USP34: variants seen among roughly 807,000 people sequenced by gnomAD.
The protein encoded by USP34 is ubiquitin specific peptidase 34, also known as ubiquitin carboxyl-terminal hydrolase 34.
In USP34, 70 loss-of-function variants were observed where a neutral mutation model predicts 460.3. The ratio of observed to expected loss-of-function variants is 0.15; its 90% CI spans 0.13 to 0.19. The LOEUF is 0.19. Ranked by LOEUF, USP34 falls within the 10% of genes least tolerant of loss-of-function variation. USP34 has a pLI of 1.00. For missense variants in USP34, 3,985 were observed against 4,236.2 expected, an observed-to-expected ratio of 0.94 and a Z score of 1.65; for synonymous variants, 1,647 against 1,405.3, an observed-to-expected ratio of 1.17 and a Z score of -3.85.
intron 65 of USP34, among the ~76,000 whole-genome samples, chr2:61,222,159 T>G (rs1025388774): frequency 7.2e-5 from 11 of 152,240 alleles, no homozygotes; most frequent in African/African-American, 2.7e-4. Context: ...AAATTTAGAT[T>G]AAAAGCTTCC....
chr2:61,346,527 TAAAAAAAAAAAAAAA>T (rs926076478), intron 15 of USP34, among the ~76,000 whole-genome samples: 2 of 44,272 alleles, frequency 4.5e-5, no homozygotes, highest in South Asian at 9.2e-4. Flanking sequence ...CCCTATCTCT[TAAAAAAAAAAAAAAA>T]AAAAAAAAAA....
intron 27 of USP34, among the ~76,000 whole-genome samples, chr2:61,303,167 A>G (rs888321066): frequency 7.3e-5 from 11 of 151,456 alleles, no homozygotes; most frequent in African/African-American, 2.4e-4. Flanking sequence ...CCTGGGTTCA[A>G]GCAATTCTCC....
chr2:61,287,500 G>A (rs893096729), intron 34 of USP34, among the ~76,000 whole-genome samples: 4 of 152,130 alleles, frequency 2.6e-5, no homozygotes, highest in African/African-American at 9.7e-5. Flanking sequence ...ACTTGTATCT[G>A]GGTTTTCTCC....
At chr2:61,340,758 G>A (rs1315721831) in intron 16 of USP34, among the ~76,000 whole-genome samples, 1 of 151,528 alleles carries the variant, frequency 6.6e-6, no homozygotes, top group Non-Finnish European at 1.5e-5. Flanking sequence ...CTTTTAATTG[G>A]GTTGTCTTAC....
chr2:61,191,993 A>G (rs1377621430), intron 76 of USP34, among the ~76,000 whole-genome samples: 1 of 151,980 alleles, frequency 6.6e-6, no homozygotes, highest in African/African-American at 2.4e-5. Flanking sequence ...GGGGATGGAG[A>G]TGACTCTGAT....
At position 61,288,820 on chromosome 2, in the gene USP34, G is replaced by C. The variant is rs1572903004; in HGVS notation, c.4606C>G (p.Pro1536Ala). ...LKLICQFAVD[P>A]SDLDLAYHDV... is the part of the protein sequence containing the mutation. The stretch of plus-strand genomic sequence containing the variant: ...TGATAAGCTAAATCCAAATCGGATG[G>C]ATCTACTGCAAACTGGCATATTAAC... Residue 1536 changes from proline to alanine, a missense_variant, in exon 34 of 80, where the codon CCA becomes GCA. This residue lies in a region of USP34 where 1,114 missense variants were observed against 1,122.5 expected (regional missense o/e 0.99). Transcript: ENST00000398571. The C allele has an allele frequency of 6.2e-7, 1 of 1,613,656 alleles. No individual in the cohort carries two copies. The highest frequency in any genetic ancestry group is 8.5e-7 in the Non-Finnish European group (1 of 1,179,944).
intron 1 of USP34, among the ~76,000 whole-genome samples, chr2:61,469,201 C>CTG (rs1336800850): frequency 6.6e-6 from 1 of 151,876 alleles, no homozygotes; most frequent in South Asian, 2.1e-4. Context: ...GAGCAAAACT[C>CTG]TGTCTCAAGA....
chr2:61,470,615 G>C (rs779647813), intron 1 of USP34, 35 bp downstream of exon 1: 1 of 1,509,068 alleles, frequency 6.6e-7, no homozygotes, highest in African/African-American at 1.4e-5. Context: ...ACCCCAAACC[G>C]TGCACCCCGA....
intron 1 of USP34, among the ~76,000 whole-genome samples, chr2:61,429,631 A>T (rs2103994171): frequency 6.6e-6 from 1 of 152,274 alleles, no homozygotes; most frequent in African/African-American, 2.4e-5. Flanking sequence ...AAAAAAAGTT[A>T]TCATATATAT....
intron 16 of USP34, among the ~76,000 whole-genome samples, chr2:61,343,379 C>T (rs184035595): frequency 3.3e-5 from 5 of 152,224 alleles, no homozygotes; most frequent in African/African-American, 1.2e-4. Flanking sequence ...TTCCCTCCTA[C>T]CCTTCCCTAA....
chr2:61,350,071 A>C (rs1691901418), intron 12 of USP34, among the ~76,000 whole-genome samples, 189 bp downstream of exon 12: 1 of 152,166 alleles, frequency 6.6e-6, no homozygotes, highest in Non-Finnish European at 1.5e-5. Context: ...AGACTTCATC[A>C]CTATCCTTCA....
At chr2:61,387,453 A>G (rs1203607164) in intron 5 of USP34, among the ~76,000 whole-genome samples, 1 of 151,452 alleles carries the variant, frequency 6.6e-6, no homozygotes, top group Non-Finnish European at 1.5e-5. Context: ...CAACAGAGCA[A>G]GACTCTATCT....
intron 23 of USP34, among the ~76,000 whole-genome samples, chr2:61,317,284 T>C (rs760474245): frequency 6.6e-6 from 1 of 152,154 alleles, no homozygotes; most frequent in Non-Finnish European, 1.5e-5. Flanking sequence ...CCCAGCACTT[T>C]GGGAGGCCAA....
chr2:61,325,827 T>G lies in USP34; in HGVS notation c.2931-370A>C, dbSNP rs141993590. 4.3e-4 allele frequency among the ~76,000 whole-genome samples: 66 copies of G among 152,352 alleles called. No individual in the cohort carries two copies. The East Asian group carries it at 0.012, about 27-fold the overall frequency. ...TCTAAAAAGTACATACTTCATATCA[T>G]AGTCCCTTTAGTGATAATATATTCT... On this transcript the variant is annotated intron_variant, in intron 20 of 79. Transcript: ENST00000398571.
At chr2:61,232,842 T>TTATA (rs150827710) in intron 57 of USP34, among the ~76,000 whole-genome samples, 16 of 100,682 alleles carry the variant, frequency 1.6e-4, no homozygotes, top group Non-Finnish European at 2.7e-4. Context: ...TTCTTATTAA[T>TTATA]TATATATATA....
At chr2:61,242,136 A>AT in intron 51 of USP34, among the ~76,000 whole-genome samples, 1 of 152,300 alleles carries the variant, frequency 6.6e-6, no homozygotes, top group East Asian at 1.9e-4. Flanking sequence ...CCTTGTCCTA[A>AT]TTTTGGTAAA....
rs910364260 is a variant in USP34, at chr2:61,206,010, A to T, written c.9154+7T>A. ...TTTTACACGGGTGAATTTTTCAAGTAACTTACCTATACAGGCATTTCTAAG... is the reference window on the plus strand; with the variant it reads ...TTTTACACGGGTGAATTTTTCAAGTTACTTACCTATACAGGCATTTCTAAG... On this transcript the variant is annotated splice_region_variant and intron_variant, in intron 72 of 79. Coordinates refer to ENST00000398571, the MANE Select transcript of USP34 (RefSeq NM_014709.4). 1.3e-5 allele frequency: 21 copies of T among 1,602,332 alleles called. No homozygotes were observed. Among genetic ancestry groups the T allele is most frequent in the African/African-American group, 4.0e-5 (3 of 74,562 alleles).
intron 7 of USP34, 64 bp downstream of exon 7, chr2:61,380,105 G>C: frequency 7.1e-7 from 1 of 1,416,316 alleles, no homozygotes; most frequent in Non-Finnish European, 9.7e-7. Flanking sequence ...TAAATAGTGG[G>C]TAGTATTATG....
chr2:61,234,395 T>C (rs930392140), intron 57 of USP34, among the ~76,000 whole-genome samples: 2 of 152,214 alleles, frequency 1.3e-5, no homozygotes, highest in African/African-American at 4.8e-5. Context: ...GTCATTACCT[T>C]TGAGTGGGTT....
Sources: allele counts gnomAD v4.1 joint callset (sites outside exome capture counted in the v4.1 genomes callset), GRCh38; gene constraint gnomAD v4.1.1; regional missense constraint gnomAD v4.1.1; transcripts MANE v1.5; gene names NCBI Gene and HGNC (gene_info 2026-07-23, HGNC 2026-07-21).